The following AFG2A variants were observed in gnomAD, a reference collection of about 807,000 sequenced individuals.
AFG2A encodes the protein ATPase family gene 2 protein homolog A.
chr4:122,940,240 T>C, the AFG2A span, among the ~76,000 whole-genome samples: 1 of 151,968 alleles, frequency 6.6e-6, no homozygotes, highest in Non-Finnish European at 1.5e-5. Context: ...TAGTTTACAG[T>C]CCCACCAACA....
chr4:122,947,797 G>C, the AFG2A span, among the ~76,000 whole-genome samples: 1 of 151,372 alleles, frequency 6.6e-6, no homozygotes, highest in Non-Finnish European at 1.5e-5. Flanking sequence ...AAAATATTCA[G>C]GAAAAAAAAG....
At chr4:123,180,892 T>C in the AFG2A span, among the ~76,000 whole-genome samples, 739 of 152,058 alleles carry the variant, frequency 4.9e-3, 8 homozygotes, top group African/African-American at 0.017. Flanking sequence ...GTCTGGGTAG[T>C]AAATATTTTA....
At chr4:123,134,625 A>G in the AFG2A span, among the ~76,000 whole-genome samples, 1 of 135,684 alleles carries the variant, frequency 7.4e-6, no homozygotes, top group African/African-American at 2.6e-5. Context: ...AAAGGATCAT[A>G]AGAAACTACT....
At chr4:123,231,697 C>T in the AFG2A span, among the ~76,000 whole-genome samples, 1 of 151,994 alleles carries the variant, frequency 6.6e-6, no homozygotes, top group African/African-American at 2.4e-5. Flanking sequence ...AAAGCTTCAT[C>T]ACTTCTAGCT....
chr4:123,017,570 T>A, the AFG2A span, among the ~76,000 whole-genome samples: 1 of 152,112 alleles, frequency 6.6e-6, no homozygotes, highest in African/African-American at 2.4e-5. Flanking sequence ...TGGAAATTTA[T>A]AATTGTTCTT....
chr4:123,045,036 G>C, the AFG2A span, among the ~76,000 whole-genome samples: 219 of 151,780 alleles, frequency 1.4e-3, 1 homozygote, highest in Admixed American at 2.7e-3. Context: ...TAACTGCATA[G>C]TGTTTTCCTG....
chr4:123,242,882 T>C, the AFG2A span, among the ~76,000 whole-genome samples: 9 of 151,968 alleles, frequency 5.9e-5, no homozygotes, highest in South Asian at 1.7e-3. Context: ...GAATCTACAA[T>C]GAACTCAAAC....
chr4:122,945,493 C>T, the AFG2A span, among the ~76,000 whole-genome samples: 7 of 151,926 alleles, frequency 4.6e-5, no homozygotes, highest in Non-Finnish European at 8.8e-5. Context: ...CTAAGCCCAT[C>T]GGAAAAGCGC....
chr4:123,058,371 TCCC>T, the AFG2A span, among the ~76,000 whole-genome samples: 5 of 152,168 alleles, frequency 3.3e-5, no homozygotes, highest in African/African-American at 1.2e-4. Flanking sequence ...ACGCCTGTAA[TCCC>T]AGCACTTTGG....
At chr4:123,211,101 G>A in the AFG2A span, among the ~76,000 whole-genome samples, 2 of 152,114 alleles carry the variant, frequency 1.3e-5, no homozygotes. Flanking sequence ...TGTTGTATAC[G>A]TTATTTAGAA....
chr4:123,195,510 G>T, the AFG2A span, among the ~76,000 whole-genome samples: 1 of 152,066 alleles, frequency 6.6e-6, no homozygotes, highest in Non-Finnish European at 1.5e-5. Flanking sequence ...TAGAAAAAGG[G>T]ATTATGAGTT....
At chr4:122,977,775 T>C in the AFG2A span, among the ~76,000 whole-genome samples, 2 of 152,228 alleles carry the variant, frequency 1.3e-5, no homozygotes, top group African/African-American at 2.4e-5. Flanking sequence ...AGGAGCTTCA[T>C]TGAGCAAGAG....
chr4:122,957,476 A>G, the AFG2A span, among the ~76,000 whole-genome samples: 1 of 152,238 alleles, frequency 6.6e-6, no homozygotes, highest in African/African-American at 2.4e-5. Flanking sequence ...AGTGCTATAG[A>G]ATAGGCATAA....
chr4:122,939,459 A>G, the AFG2A span, among the ~76,000 whole-genome samples: 1 of 152,208 alleles, frequency 6.6e-6, no homozygotes, highest in Admixed American at 6.5e-5. Flanking sequence ...GAGAATAGGC[A>G]TGAACAAAAA....
the AFG2A span, among the ~76,000 whole-genome samples, chr4:123,062,439 T>G: frequency 1.3e-5 from 2 of 152,234 alleles, no homozygotes; most frequent in African/African-American, 4.8e-5. Flanking sequence ...ATAAAGATTT[T>G]TTTTAAAACT....
the AFG2A span, among the ~76,000 whole-genome samples, chr4:123,298,956 A>G: frequency 2.0e-5 from 3 of 152,230 alleles, no homozygotes; most frequent in African/African-American, 7.2e-5. Context: ...AGGCACAGCT[A>G]TGCCAGGTTG....
the AFG2A span, among the ~76,000 whole-genome samples, chr4:123,143,894 CT>C: frequency 7.7e-6 from 1 of 129,530 alleles, no homozygotes; most frequent in Admixed American, 7.7e-5. Flanking sequence ...ATTTTTCCTT[CT>C]TTTCAGTCAG....
At chr4:122,952,334 T>A in the AFG2A span, among the ~76,000 whole-genome samples, 1 of 152,172 alleles carries the variant, frequency 6.6e-6, no homozygotes, top group Non-Finnish European at 1.5e-5. Context: ...TTGTATTTAT[T>A]TCACTGTGAC....
At chr4:123,067,987 T>C in the AFG2A span, among the ~76,000 whole-genome samples, 1 of 152,164 alleles carries the variant, frequency 6.6e-6, no homozygotes, top group Non-Finnish European at 1.5e-5. Context: ...TCTGTGGTCC[T>C]ATATGTCTTT....
Sources: allele counts gnomAD v4.1 joint callset (sites outside exome capture counted in the v4.1 genomes callset), GRCh38; gene constraint gnomAD v4.1.1; transcripts MANE v1.5; gene names NCBI Gene and HGNC (gene_info 2026-07-23, HGNC 2026-07-21).